The following POLG2 variants were observed in gnomAD, a reference collection of about 807,000 sequenced individuals.
POLG2 encodes the protein DNA polymerase gamma 2, accessory subunit.
POLG2 carries 50 observed loss-of-function variants against 56.5 expected under a neutral mutation model. The ratio of observed to expected loss-of-function variants is 0.88; its 90% CI spans 0.71 to 1.12. POLG2 has a LOEUF of 1.12. Ranked by LOEUF, POLG2 falls within the 50% of genes most tolerant of loss-of-function variation. POLG2 has a pLI of 0.00. For missense variants in POLG2, 584 were observed against 583.3 expected, an observed-to-expected ratio of 1.00 and a Z score of -0.01; for synonymous variants, 226 against 222.6, an observed-to-expected ratio of 1.02 and a Z score of -0.14.
At chr17:64,483,683 T>C (rs1246453974) in intron 5 of POLG2, among the ~76,000 whole-genome samples, 1 of 151,904 alleles carries the variant, frequency 6.6e-6, no homozygotes, top group Non-Finnish European at 1.5e-5. Context: ...TTTTTATATA[T>C]ATTTTTTTGA....
rs781987286 is a variant in POLG2, at chr17:64,479,183, GT to G, written c.1292+1105del. On this transcript the variant is annotated intron_variant, in intron 7 of 7. Transcript: ENST00000539111. ...TTTCTTTGGACATCATCTGAAAGGT[GT>G]TTTTTTTTTTTTTTTTTGAGAAGGA... 4.5e-3 allele frequency among the ~76,000 whole-genome samples: 577 copies of G among 126,906 alleles called. 2 individuals carry two copies. Among genetic ancestry groups the G allele is most frequent in the African/African-American group, 0.012 (401 of 34,040 alleles). 83.3% of individuals were successfully genotyped at this position (126,906 alleles called of 152,430 possible).
intron 5 of POLG2, chr17:64,485,474 CAT>C: frequency 2.1e-6 from 1 of 475,542 alleles, no homozygotes; most frequent in South Asian, 2.1e-5. Flanking sequence ...GGCTAGGAGT[CAT>C]AGAGATAGCT....
chr17:64,479,307 C>T (rs2037819362), intron 7 of POLG2, among the ~76,000 whole-genome samples: 1 of 151,812 alleles, frequency 6.6e-6, no homozygotes, highest in South Asian at 2.1e-4. Context: ...CCTCAGCCTC[C>T]CAAGTAGCTA....
At position 64,496,824 on chromosome 17, in the gene POLG2, C is replaced by G. The variant is rs781993155; in HGVS notation, c.145G>C (p.Glu49Gln). The change falls in exon 1 of 8, where the codon GAG becomes CAG. Residue 49 changes from glutamate to glutamine, a missense_variant. Coordinates refer to ENST00000539111, the MANE Select transcript of POLG2 (RefSeq NM_007215.4). ...PKGGHVKSHA[E>Q]LEGNGEHPEA... ...GGGTGCTCGCCGTTCCCCTCGAGCTCCGCGTGCGACTTCACATGCCCTCCT... is the reference window on the plus strand; with the variant it reads ...GGGTGCTCGCCGTTCCCCTCGAGCTGCGCGTGCGACTTCACATGCCCTCCT... 1.9e-6 allele frequency: 3 copies of G among 1,613,800 alleles called. No homozygotes were observed. Among genetic ancestry groups the G allele is most frequent in the Non-Finnish European group, 2.5e-6 (3 of 1,180,058 alleles).
At chr17:64,491,392 C>T (rs927711473) in intron 3 of POLG2, 32 of 614,300 alleles carry the variant, frequency 5.2e-5, no homozygotes, top group South Asian at 1.5e-4. Context: ...CTTAGGACTT[C>T]GAGACCAGCC....
Position 64,496,488 on chromosome 17 carries a change from C to G in POLG2, c.481G>C (p.Glu161Gln). ...ETLREILQDKELSKEQLVAFL... is the reference protein window; with the variant it reads ...ETLREILQDKQLSKEQLVAFL... ...GCTACTAGCTGTTCCTTACTCAGCT[C>G]TTTGTCTTGCAAGATTTCGCGTAGA... The change falls in exon 1 of 8, where the codon GAG (glutamate) becomes CAG (glutamine). Residue 161 changes from glutamate to glutamine, a missense_variant. Transcript: ENST00000539111. The G allele has an allele frequency of 6.2e-7, 1 of 1,612,834 alleles. No homozygotes were observed. The highest frequency in any genetic ancestry group is 1.1e-5 in the South Asian group (1 of 91,070).
At chr17:64,494,343 C>T (rs565915255) in intron 1 of POLG2, among the ~76,000 whole-genome samples, 2 of 152,110 alleles carry the variant, frequency 1.3e-5, no homozygotes, top group Non-Finnish European at 2.9e-5. Context: ...CAAATTATTC[C>T]ACTACTGAAG....
In POLG2 at chr17:64,485,964, T is replaced by G. The variant is rs537242126; in HGVS notation, c.970-96A>C. 6 of 1,155,424 alleles carry G rather than the reference T, an allele frequency of 5.2e-6. No homozygotes were observed. In the East Asian group the frequency reaches 1.4e-4, roughly 28 times the overall value. 71.6% of individuals were successfully genotyped at this position (1,155,424 alleles called of 1,614,324 possible). On this transcript the variant is annotated intron_variant, in intron 4 of 7. Transcript: ENST00000539111. ...GTCTCACTCTGTCACCTGGCCAGGC[T>G]GGAGTGCAGTGGCATGATCTCAGCT...
intron 3 of POLG2, 33 bp downstream of exon 3, chr17:64,492,634 T>C: frequency 8.0e-7 from 1 of 1,249,968 alleles, no homozygotes; most frequent in Non-Finnish European, 1.2e-6. Flanking sequence ...ATTTATGTAT[T>C]AACTATTAAA....
At position 64,496,416 on chromosome 17, in the gene POLG2, G is replaced by A. The variant is rs1273775729; in HGVS notation, c.553C>T (p.Leu185Phe). The A allele has an allele frequency of 6.4e-7, 1 of 1,574,390 alleles. No homozygotes were observed. Among genetic ancestry groups the A allele is most frequent in the East Asian group, 2.3e-5 (1 of 44,142 alleles). Residue 185 changes from leucine to phenylalanine, a missense_variant, in exon 1 of 8, where the codon CTT (leucine) becomes TTT (phenylalanine). By Grantham distance (22) the Leu-to-Phe change is conservative. Transcript: ENST00000539111. ...LKTSGKLREN[L>F]LHGALEHYVN... ...AAATCGTGAAGCATACCGTGAAGAA[G>A]GTTCTCCCGTAGTTTCCCAGAAGTT...
rs2038162560 is a variant in POLG2, at chr17:64,496,888, C to T, written c.81G>A (p.Ala27=). 6.2e-7 allele frequency: 1 copy of T among 1,613,346 alleles called. No individual in the cohort carries two copies. The highest frequency in any genetic ancestry group is 8.5e-7 in the Non-Finnish European group (1 of 1,180,032). Residue 27 remains alanine, a synonymous_variant, in exon 1 of 8, where the codon GCG becomes GCA. Coordinates refer to ENST00000539111, the MANE Select transcript of POLG2 (RefSeq NM_007215.4). ...LLSGFGGRVD[A]GQPELLTERS... is the part of the protein sequence containing the mutation. The stretch of plus-strand genomic sequence containing the variant: ...TTTCCGTCAACAGCTCCGGCTGCCC[C>T]GCATCTACTCGACCCCCAAACCCAG...
At chr17:64,491,108 AT>A (rs759781434) in intron 3 of POLG2, 139 bp from the exon 4 acceptor site, 330 of 712,514 alleles carry the variant, frequency 4.6e-4, no homozygotes, top group Non-Finnish European at 7.1e-4. Flanking sequence ...CCGAATACAA[AT>A]TTTAAAGTTT....
Position 64,490,896 on chromosome 17 carries a change from T to TA in POLG2, c.868dup (p.Tyr290LeufsTer32). 2 of 1,613,836 alleles carry TA rather than the reference T, an allele frequency of 1.2e-6. No individual in the cohort carries two copies. The highest frequency in any genetic ancestry group is 1.7e-6 in the Non-Finnish European group (2 of 1,179,706). On this transcript the variant is annotated frameshift_variant, in exon 4 of 8. Coordinates refer to ENST00000539111, the MANE Select transcript of POLG2 (RefSeq NM_007215.4). LOFTEE classifies it high-confidence loss of function. Reference sequence around the variant, plus strand: ...CTCCTTTCCCCAGGGAAAATTGTAGTAAAGTTTGTTTCCTTTCCGGCCTTC... The same window carrying TA: ...CTCCTTTCCCCAGGGAAAATTGTAGTAAAAGTTTGTTTCCTTTCCGGCCTTC...
At chr17:64,480,982 T>A (rs1555666391) in intron 6 of POLG2, among the ~76,000 whole-genome samples, 1 of 152,204 alleles carries the variant, frequency 6.6e-6, no homozygotes, top group Admixed American at 6.5e-5. Context: ...TTAACTGTTT[T>A]CTTTACAAGC....
intron 1 of POLG2, among the ~76,000 whole-genome samples, chr17:64,493,934 CTAAAAA>C (rs1183203637): frequency 2.0e-5 from 3 of 152,136 alleles, no homozygotes; most frequent in African/African-American, 4.8e-5. Context: ...CATACATCTT[CTAAAAA>C]TAAAAATATT....
chr17:64,478,954 CAT>C lies in POLG2; in HGVS notation c.1293-968_1293-967del, dbSNP rs565183865. Among the ~76,000 whole-genome samples the C allele has an allele frequency of 7.2e-5, 11 of 152,134 alleles. No individual in the cohort carries two copies. In the East Asian group the frequency reaches 2.1e-3, roughly 29 times the overall value. ...CACCACTATAGCAAAGTGAATAAAA[CAT>C]AGTACGTGTTTAATAATAATTTCAT... On this transcript the variant is annotated intron_variant, in intron 7 of 7. Transcript: ENST00000539111.
At chr17:64,494,794 A>G (rs1409267228) in intron 1 of POLG2, among the ~76,000 whole-genome samples, 1 of 152,160 alleles carries the variant, frequency 6.6e-6, no homozygotes, top group South Asian at 2.1e-4. Flanking sequence ...TTTTAGCACC[A>G]TAAAGTGTTT....
At chr17:64,493,359 G>C (rs2038096653) in intron 1 of POLG2, among the ~76,000 whole-genome samples, 1 of 152,114 alleles carries the variant, frequency 6.6e-6, no homozygotes, top group Non-Finnish European at 1.5e-5. Context: ...CAAGGTTGCA[G>C]TGAGCTGGGA....
chr17:64,492,534 G>A (rs896392481), intron 3 of POLG2, 133 bp downstream of exon 3: 2 of 647,278 alleles, frequency 3.1e-6, no homozygotes, highest in African/African-American at 3.7e-5. Flanking sequence ...GTTACAAAGA[G>A]TTTTTGTATT....
Sources: gnomAD v4.1 joint callset for allele counts (sites outside exome capture counted in the v4.1 genomes callset) on GRCh38, gnomAD v4.1.1 for gene constraint, MANE v1.5 for transcripts, NCBI Gene and HGNC (gene_info 2026-07-23, HGNC 2026-07-21) for gene names.